The following NAALADL2 variants were observed in gnomAD, a reference collection of about 807,000 sequenced individuals.
NAALADL2 encodes the protein inactive N-acetylated-alpha-linked acidic dipeptidase-like protein 2.
A neutral mutation model predicts 87.2 loss-of-function variants in NAALADL2; 76 were observed. The observed-to-expected ratio is 0.87, with a 90% confidence interval of 0.72 to 1.05. The LOEUF is 1.05. NAALADL2 is among the 50% of genes least tolerant of loss of function. The pLI, the probability that NAALADL2 is intolerant of heterozygous loss-of-function variation, is 0.00. For synonymous variants in NAALADL2, 354 were observed against 331.0 expected (o/e 1.07, Z -0.75); for missense variants, 1,089 against 945.8 (o/e 1.15, Z -1.99).
At chr3:174,494,466 G>T (rs1341611308) in intron 1 of NAALADL2, among the ~76,000 whole-genome samples, 1 of 145,842 alleles carries the variant, frequency 6.9e-6, no homozygotes, top group Non-Finnish European at 1.5e-5. Flanking sequence ...ACACACCGGG[G>T]CCTGTCCTGG....
intron 10 of NAALADL2, among the ~76,000 whole-genome samples, chr3:175,581,923 A>C (rs1451388213): frequency 1.3e-5 from 2 of 152,170 alleles, no homozygotes; most frequent in African/African-American, 4.8e-5. Flanking sequence ...AAAACTGTGT[A>C]TCTTTTCTGG....
chr3:175,503,233 T>C (rs1249049435), intron 9 of NAALADL2, among the ~76,000 whole-genome samples: 1 of 152,144 alleles, frequency 6.6e-6, no homozygotes, highest in Non-Finnish European at 1.5e-5. Context: ...TCCAGCTCCA[T>C]CCATGTTGCT....
chr3:175,418,795 T>G (rs1484241788), intron 5 of NAALADL2, among the ~76,000 whole-genome samples: 1 of 151,958 alleles, frequency 6.6e-6, no homozygotes, highest in Non-Finnish European at 1.5e-5. Flanking sequence ...TGGTTTTATA[T>G]TGCTTTGAAA....
At chr3:175,571,909 A>G (rs1264960669) in intron 9 of NAALADL2, among the ~76,000 whole-genome samples, 1 of 152,230 alleles carries the variant, frequency 6.6e-6, no homozygotes, top group Non-Finnish European at 1.5e-5. Context: ...GCATGAAAGG[A>G]CAAAATGAAC....
intron 1 of NAALADL2, among the ~76,000 whole-genome samples, chr3:175,012,067 G>T (rs1455624374): frequency 6.6e-6 from 1 of 152,208 alleles, no homozygotes; most frequent in South Asian, 2.1e-4. Context: ...GTTTGGGCAT[G>T]CTGAGTTTCT....
At chr3:175,021,639 A>G (rs1422880445) in intron 1 of NAALADL2, among the ~76,000 whole-genome samples, 1 of 152,078 alleles carries the variant, frequency 6.6e-6, no homozygotes. Context: ...CTCATTTGCA[A>G]TCTTCAGAGC....
chr3:175,504,333 T>C (rs1002753777), intron 9 of NAALADL2, among the ~76,000 whole-genome samples: 18 of 152,300 alleles, frequency 1.2e-4, no homozygotes, highest in Non-Finnish European at 1.0e-4. Context: ...ATATGTTGCA[T>C]GTGATGACAT....
chr3:174,558,546 C>T (rs1441785300), intron 2 of NAALADL2, among the ~76,000 whole-genome samples: 1 of 152,084 alleles, frequency 6.6e-6, no homozygotes, highest in Non-Finnish European at 1.5e-5. Flanking sequence ...TCATGAAGGG[C>T]ACACAATCTA....
At chr3:174,781,384 G>C (rs1018006274) in intron 3 of NAALADL2, among the ~76,000 whole-genome samples, 2 of 151,430 alleles carry the variant, frequency 1.3e-5, no homozygotes, top group Non-Finnish European at 2.9e-5. Flanking sequence ...TTTCCAGCTT[G>C]GTTCCATTCT....
At chr3:174,534,675 C>T (rs1485504541) in intron 1 of NAALADL2, among the ~76,000 whole-genome samples, 1 of 152,096 alleles carries the variant, frequency 6.6e-6, no homozygotes, top group Non-Finnish European at 1.5e-5. Context: ...ACATATATAC[C>T]CCTAAATCAA....
At chr3:174,762,932 C>T (rs1453599484) in intron 3 of NAALADL2, among the ~76,000 whole-genome samples, 1 of 151,988 alleles carries the variant, frequency 6.6e-6, no homozygotes, top group Non-Finnish European at 1.5e-5. Flanking sequence ...GTATAATTTA[C>T]AACATAATAT....
intron 4 of NAALADL2, among the ~76,000 whole-genome samples, chr3:175,297,092 T>C (rs1756479563): frequency 1.3e-5 from 2 of 152,176 alleles, no homozygotes; most frequent in African/African-American, 4.8e-5. Context: ...CTTACTGGCC[T>C]GTAGGTACTA....
chr3:175,370,579 G>T (rs1766349501), intron 5 of NAALADL2, among the ~76,000 whole-genome samples: 1 of 152,060 alleles, frequency 6.6e-6, no homozygotes, highest in Non-Finnish European at 1.5e-5. Flanking sequence ...GGCCGTAAGA[G>T]TCACTTGCTG....
At chr3:174,914,215 A>G (rs530809988) in intron 1 of NAALADL2, among the ~76,000 whole-genome samples, 31 of 151,846 alleles carry the variant, frequency 2.0e-4, no homozygotes, top group African/African-American at 7.5e-4. Flanking sequence ...GGCACCCACC[A>G]CCACATCAGG....
intron 1 of NAALADL2, among the ~76,000 whole-genome samples, chr3:174,919,024 G>GTA (rs1734788524): frequency 6.6e-6 from 1 of 151,488 alleles, no homozygotes; most frequent in Non-Finnish European, 1.5e-5. Flanking sequence ...GCCTATTAGG[G>GTA]TACAATATCA....
intron 1 of NAALADL2, among the ~76,000 whole-genome samples, chr3:175,074,512 T>A (rs1442750563): frequency 6.6e-6 from 1 of 152,118 alleles, no homozygotes; most frequent in East Asian, 1.9e-4. Context: ...AATAAATACA[T>A]TAACTTTCCA....
rs1369264525 is a variant in NAALADL2 at position 175,604,537 on chromosome 3, C to T, written c.1801-22754C>T. Among the ~76,000 whole-genome samples, 5 of 152,158 alleles carry T rather than the reference C, an allele frequency of 3.3e-5. No individual in the cohort carries two copies. The East Asian group carries it at 9.7e-4, about 30-fold the overall frequency. On this transcript the variant is annotated intron_variant, in intron 10 of 13. Transcript: ENST00000454872. ...GCCAGGATGGTCTTGATCTCCTGAC[C>T]TCATGATCCACCTGCCTCAGCCTCC... is the stretch of plus-strand genomic sequence containing the variant.
chr3:174,778,352 A>G (rs1715474822), intron 3 of NAALADL2, among the ~76,000 whole-genome samples: 1 of 152,122 alleles, frequency 6.6e-6, no homozygotes, highest in Admixed American at 6.6e-5. Flanking sequence ...TGAAGGGTTT[A>G]CATGATGAAG....
chr3:175,761,246 G>A (rs1747966408), intron 13 of NAALADL2, among the ~76,000 whole-genome samples: 3 of 152,092 alleles, frequency 2.0e-5, no homozygotes. Context: ...GGCAACCACT[G>A]ATCTTTTTAC....
Sources: allele counts gnomAD v4.1 joint callset (sites outside exome capture counted in the v4.1 genomes callset), GRCh38; gene constraint gnomAD v4.1.1; transcripts MANE v1.5; gene names NCBI Gene and HGNC (gene_info 2026-07-23, HGNC 2026-07-21).